The following KIF26B variants were observed in gnomAD, a reference collection of about 807,000 sequenced individuals.
KIF26B encodes the protein kinesin-like protein KIF26B.
KIF26B carries 63 observed loss-of-function variants against 151.2 expected under a neutral mutation model. The ratio of observed to expected loss-of-function variants is 0.42; its 90% CI spans 0.34 to 0.51. KIF26B has a LOEUF of 0.51. Ranked by LOEUF, KIF26B falls within the 20% of genes least tolerant of loss-of-function variation. The pLI, the probability that KIF26B is intolerant of heterozygous loss-of-function variation, is 0.07. For synonymous variants in KIF26B, 1,357 were observed against 1,262.1 expected (o/e 1.08, Z -1.59); for missense variants, 2,813 against 2,913.6 (o/e 0.97, Z 0.79).
intron 2 of KIF26B, among the ~76,000 whole-genome samples, chr1:245,315,725 A>AG: frequency 6.6e-6 from 1 of 151,498 alleles, no homozygotes. Flanking sequence ...AAAAAAAAAA[A>AG]AGAAAAAGAA....
At position 245,686,101 on chromosome 1, in the gene KIF26B, A is replaced by T. The variant is rs377390743; in HGVS notation, c.3118A>T (p.Ser1040Cys). Residue 1040 changes from serine (S) to cysteine (C), a missense_variant, in exon 12 of 15, where the codon AGC (serine) becomes TGC (cysteine). Physicochemically the swap from Ser to Cys is moderately radical, Grantham distance 112 (BLOSUM62 -1). Around this residue, in one of 3 missense-constraint regions of KIF26B, gnomAD observed 2,060 missense variants for 2,088.6 expected, o/e 0.99. Transcript: ENST00000407071. This position sits in a 1 kb window ranked among gnomAD's most constrained non-coding sequence, Gnocchi z 5.6. ...GCACAGCGCCTCCCCACTCGTGCAGAGCCCCAGCCTCCAGAGCAGCCGGGA... is the reference window on the plus strand; with the variant it reads ...GCACAGCGCCTCCCCACTCGTGCAGTGCCCCAGCCTCCAGAGCAGCCGGGA... ...SQHSASPLVQ[S>C]PSLQSSRESL... 376 of 1,607,776 alleles carry T rather than the reference A, an allele frequency of 2.3e-4. No individual in the cohort carries two copies. Among genetic ancestry groups the T allele is most frequent in the Non-Finnish European group, 2.9e-4 (342 of 1,177,668 alleles).
At chr1:245,224,687 T>C (rs959087803) in intron 2 of KIF26B, among the ~76,000 whole-genome samples, 17 of 152,230 alleles carry the variant, frequency 1.1e-4, no homozygotes, top group African/African-American at 4.1e-4. Flanking sequence ...CATAATGACA[T>C]GCATCAACAT....
intron 4 of KIF26B, among the ~76,000 whole-genome samples, chr1:245,445,661 A>C (rs1659233940): frequency 6.6e-6 from 1 of 152,222 alleles, no homozygotes; most frequent in Non-Finnish European, 1.5e-5. Context: ...GTGTATACTC[A>C]CAGATCCCTC....
rs2043071448 is a variant in KIF26B, at chr1:245,572,116, G to A, written c.1351-30461G>A. ...GATCTCACGACCTCGCTTTGCAAAG[G>A]CTACAAGACCAAGGGCTTGTGTACC... is the stretch of plus-strand genomic sequence containing the variant. On this transcript the variant is annotated intron_variant, in intron 5 of 14. Coordinates refer to ENST00000407071, the MANE Select transcript of KIF26B (RefSeq NM_018012.4). The surrounding 1 kb of genome is among the most constrained non-coding windows in gnomAD (Gnocchi z 4.2). Among the ~76,000 whole-genome samples the A allele has an allele frequency of 6.6e-6, 1 of 152,176 alleles. No individual in the cohort carries two copies. The highest frequency in any genetic ancestry group is 2.4e-5 in the African/African-American group (1 of 41,432).
rs1670073686 is a variant in KIF26B at position 245,234,806 on chromosome 1, A to AC, written c.465+78125dup. On this transcript the variant is annotated intron_variant, in intron 2 of 14. Transcript: ENST00000407071. Reference sequence around the variant, plus strand: ...GAGCGCCGTTTCCAGGCCTCGCAACACCGGCCTGCTATTAAGTGTTTCTAA... The same window carrying AC: ...GAGCGCCGTTTCCAGGCCTCGCAACACCCGGCCTGCTATTAAGTGTTTCTAA... Among the ~76,000 whole-genome samples, 3 of 152,160 alleles carry AC rather than the reference A, an allele frequency of 2.0e-5. No homozygotes were observed. In the South Asian group the frequency reaches 6.2e-4, roughly 32 times the overall value.
intron 2 of KIF26B, among the ~76,000 whole-genome samples, chr1:245,182,515 T>A (rs116219927): frequency 1.2e-3 from 182 of 152,368 alleles, no homozygotes; most frequent in African/African-American, 4.3e-3. Context: ...TTGGCTATTA[T>A]GAATAATGCT....
intron 2 of KIF26B, among the ~76,000 whole-genome samples, chr1:245,297,714 C>G (rs566823901): frequency 3.9e-5 from 6 of 152,266 alleles, no homozygotes; most frequent in Middle Eastern, 3.4e-3. Flanking sequence ...TGGGTTTACT[C>G]TGTACTGTGC....
In KIF26B at chr1:245,516,404, C is replaced by T. The variant is rs567894261; in HGVS notation, c.1167-24363C>T. 3.0e-4 allele frequency among the ~76,000 whole-genome samples: 45 copies of T among 152,296 alleles called. No individual in the cohort carries two copies. In the Middle Eastern group the frequency reaches 0.01, roughly 35 times the overall value. On this transcript the variant is annotated intron_variant, in intron 4 of 14. Transcript: ENST00000407071. The surrounding 1 kb of genome is among the most constrained non-coding windows in gnomAD (Gnocchi z 4.2). The stretch of plus-strand genomic sequence containing the variant: ...GCAGAGGATGACATGAAATCATGTA[C>T]GCGAGCGTGATTTGCTACTAGGCAG...
In KIF26B at chr1:245,495,075, A is replaced by G. The variant is rs898593165; in HGVS notation, c.1167-45692A>G. On this transcript the variant is annotated intron_variant, in intron 4 of 14. Coordinates refer to ENST00000407071, the MANE Select transcript of KIF26B (RefSeq NM_018012.4). This position sits in a 1 kb window ranked among gnomAD's most constrained non-coding sequence, Gnocchi z 4.2. ...AAATAAAGAAAAGAAAAGAAAGAGG[A>G]AATTCTGGAACTTAAAAAATGAAAT... is the stretch of plus-strand genomic sequence containing the variant. Among the ~76,000 whole-genome samples, 1 of 152,162 alleles carries G rather than the reference A, an allele frequency of 6.6e-6. No homozygotes were observed. The highest frequency in any genetic ancestry group is 2.4e-5 in the African/African-American group (1 of 41,440).
intron 6 of KIF26B, among the ~76,000 whole-genome samples, chr1:245,604,382 C>T (rs150090542): frequency 6.6e-6 from 1 of 152,194 alleles, no homozygotes; most frequent in African/African-American, 2.4e-5. Flanking sequence ...ATGTTACAGG[C>T]TCCATTCATT....
At chr1:245,357,371 C>T (rs927691799) in intron 2 of KIF26B, among the ~76,000 whole-genome samples, 1 of 152,154 alleles carries the variant, frequency 6.6e-6, no homozygotes, top group African/African-American at 2.4e-5. Context: ...ACATGTACAG[C>T]TTAAGTAAGG....
At chr1:245,254,226 T>C (rs976160663) in intron 2 of KIF26B, among the ~76,000 whole-genome samples, 5 of 152,220 alleles carry the variant, frequency 3.3e-5, no homozygotes, top group Admixed American at 3.3e-4. Context: ...TGATTAACTT[T>C]ATTTCTAGAA....
At chr1:245,665,617 CTG>C (rs2044204050) in intron 10 of KIF26B, among the ~76,000 whole-genome samples, 1 of 152,202 alleles carries the variant, frequency 6.6e-6, no homozygotes, top group South Asian at 2.1e-4. Context: ...AGAATTAGAA[CTG>C]TGTTTGAGCT....
At chr1:245,583,617 A>G (rs562319106) in intron 5 of KIF26B, among the ~76,000 whole-genome samples, 34 of 152,302 alleles carry the variant, frequency 2.2e-4, no homozygotes, top group African/African-American at 7.5e-4. Context: ...GCCCTCTCCA[A>G]TGCTGCCGGA....
intron 10 of KIF26B, among the ~76,000 whole-genome samples, chr1:245,678,467 G>T (rs879589219): frequency 2.6e-5 from 4 of 152,060 alleles, no homozygotes; most frequent in Non-Finnish European, 4.4e-5. Context: ...CAGTGTTCTC[G>T]GCATTTAAAT....
intron 5 of KIF26B, among the ~76,000 whole-genome samples, chr1:245,567,498 T>C (rs781423969): frequency 3.9e-5 from 6 of 151,986 alleles, no homozygotes; most frequent in African/African-American, 1.2e-4. Flanking sequence ...ATAGGTCCCA[T>C]GGGAGAGAAA....
chr1:245,684,448 T>C (rs1347758531), intron 11 of KIF26B, 53 bp downstream of exon 11: 9 of 1,511,754 alleles, frequency 6.0e-6, no homozygotes, highest in African/African-American at 2.8e-5. Flanking sequence ...TTTGGAGCCG[T>C]GCCCTGGAAC....
At chr1:245,156,782 C>G (rs919961859) in intron 2 of KIF26B, 99 bp downstream of exon 2, 4 of 741,822 alleles carry the variant, frequency 5.4e-6, no homozygotes, top group African/African-American at 3.7e-5. Context: ...TGCGCGCCGG[C>G]TCCACGCGAG....
At chr1:245,338,576 A>G (rs576146080) in intron 2 of KIF26B, among the ~76,000 whole-genome samples, 2 of 152,360 alleles carry the variant, frequency 1.3e-5, no homozygotes, top group South Asian at 2.1e-4. Flanking sequence ...GAGTGTGAAC[A>G]CATACGCATT....
Sources: gnomAD v4.1 joint callset for allele counts (sites outside exome capture counted in the v4.1 genomes callset) on GRCh38, gnomAD v4.1.1 for gene constraint, gnomAD v4.1.1 regional missense constraint, Gnocchi (gnomAD v3.1) non-coding constraint, MANE v1.5 for transcripts, NCBI Gene and HGNC (gene_info 2026-07-23, HGNC 2026-07-21) for gene names.